The following GRIK4 variants were observed in gnomAD, a reference collection of about 807,000 sequenced individuals.
GRIK4 encodes the protein glutamate ionotropic receptor kainate type subunit 4, also known as glutamate receptor ionotropic, kainate 4.
In GRIK4, 40 loss-of-function variants were observed where a neutral mutation model predicts 104.9. The observed-to-expected ratio is 0.38, with a 90% CI of 0.30 to 0.50. The LOEUF (loss-of-function observed/expected upper bound fraction) is 0.50. GRIK4 is among the 20% of genes least tolerant of loss of function. The pLI is 0.93. For synonymous variants in GRIK4, 485 were observed against 524.9 expected, an observed-to-expected ratio of 0.92 and a Z score of 1.04; for missense variants, 1,047 against 1,308.1, an observed-to-expected ratio of 0.80 and a Z score of 3.08.
chr11:120,745,191 A>C (rs1021358408), intron 3 of GRIK4, among the ~76,000 whole-genome samples: 2 of 152,066 alleles, frequency 1.3e-5, no homozygotes, highest in Non-Finnish European at 2.9e-5. Flanking sequence ...AGAGGAGGTG[A>C]CTCCGGCCAG....
intron 1 of GRIK4, among the ~76,000 whole-genome samples, chr11:120,560,236 G>C (rs1300615656): frequency 1.3e-5 from 2 of 152,064 alleles, no homozygotes; most frequent in African/African-American, 4.8e-5. Context: ...ATTTTTAGTA[G>C]AGATGGTGTT....
At chr11:120,708,862 C>T (rs980570335) in intron 3 of GRIK4, among the ~76,000 whole-genome samples, 10 of 152,274 alleles carry the variant, frequency 6.6e-5, no homozygotes, top group African/African-American at 1.4e-4. Flanking sequence ...TACCCCCTCC[C>T]GTGCTGTTGG....
intron 13 of GRIK4, among the ~76,000 whole-genome samples, chr11:120,920,014 G>A (rs1170853155): frequency 6.6e-6 from 1 of 152,122 alleles, no homozygotes; most frequent in Non-Finnish European, 1.5e-5. Context: ...ACCCCATTTG[G>A]AAGTTGTCAG....
intron 1 of GRIK4, among the ~76,000 whole-genome samples, chr11:120,536,266 G>A (rs1591680728): frequency 6.6e-6 from 1 of 152,346 alleles, no homozygotes; most frequent in Middle Eastern, 3.4e-3. Flanking sequence ...CAAAAGAGGA[G>A]CTCGCGGGGC....
chr11:120,977,569 T>C (rs1944582036), intron 19 of GRIK4, among the ~76,000 whole-genome samples: 1 of 152,214 alleles, frequency 6.6e-6, no homozygotes, highest in South Asian at 2.1e-4. Context: ...TATTCTTGCT[T>C]CCTCTTTCCA....
chr11:120,678,345 G>A (rs1198073469), intron 3 of GRIK4, among the ~76,000 whole-genome samples: 3 of 152,136 alleles, frequency 2.0e-5, no homozygotes, highest in African/African-American at 7.2e-5. Flanking sequence ...GAGAGCTGAG[G>A]CTGTGGTGCT....
intron 11 of GRIK4, among the ~76,000 whole-genome samples, chr11:120,876,754 C>T (rs927428180): frequency 2.0e-5 from 3 of 152,136 alleles, no homozygotes; most frequent in Non-Finnish European, 4.4e-5. Context: ...ACCATTACAA[C>T]AAATTATGCA....
In GRIK4 at chr11:120,967,452, T is replaced by A; in HGVS notation, c.2395+129T>A. On this transcript the variant is annotated intron_variant, in intron 19 of 20. Transcript: ENST00000527524. This position sits in a 1 kb window ranked among gnomAD's most constrained non-coding sequence, Gnocchi z 4.2. The stretch of plus-strand genomic sequence containing the variant: ...AGAACGGCCTTGGAAGGAACCTAGG[T>A]ATAAAGTGGGCTGGCGGGGGATCAG... 1.1e-6 allele frequency: 1 copy of A among 943,914 alleles called. No homozygotes were observed. Among genetic ancestry groups the A allele is most frequent in the Non-Finnish European group, 1.5e-6 (1 of 653,712 alleles). 58.5% of individuals were successfully genotyped at this position (943,914 alleles called of 1,614,324 possible).
At chr11:120,777,520 T>C (rs1026172781) in intron 3 of GRIK4, among the ~76,000 whole-genome samples, 2 of 152,164 alleles carry the variant, frequency 1.3e-5, no homozygotes, top group African/African-American at 4.8e-5. Context: ...GGGTTGGGGC[T>C]GGGGGCACAG....
intron 1 of GRIK4, among the ~76,000 whole-genome samples, chr11:120,522,104 T>C (rs913593012): frequency 6.6e-6 from 1 of 152,174 alleles, no homozygotes; most frequent in Non-Finnish European, 1.5e-5. Flanking sequence ...AGCCAAGTGA[T>C]AGAGCCGGGA....
intron 1 of GRIK4, among the ~76,000 whole-genome samples, chr11:120,539,602 T>G (rs1425328559): frequency 6.6e-6 from 1 of 152,222 alleles, no homozygotes; most frequent in Non-Finnish European, 1.5e-5. Flanking sequence ...CAACAAATCT[T>G]ATTTGATCTG....
intron 1 of GRIK4, among the ~76,000 whole-genome samples, chr11:120,587,324 T>G (rs1948679496): frequency 6.6e-6 from 1 of 152,052 alleles, no homozygotes; most frequent in Non-Finnish European, 1.5e-5. Flanking sequence ...GAGGGAAACT[T>G]GGAGCTACTT....
intron 19 of GRIK4, among the ~76,000 whole-genome samples, 171 bp from the exon 20 acceptor site, chr11:120,981,935 A>G (rs541130067): frequency 6.6e-6 from 1 of 152,296 alleles, no homozygotes; most frequent in African/African-American, 2.4e-5. Context: ...CAGATAAATA[A>G]TTAAATATCT....
In GRIK4 at chr11:120,987,699, C is replaced by CA. The variant is rs1431115429; in HGVS notation, c.*1440dup. 2 of 152,172 alleles carry CA rather than the reference C, an allele frequency of 1.3e-5. No individual in the cohort carries two copies. Among genetic ancestry groups the CA allele is most frequent in the Non-Finnish European group, 2.9e-5 (2 of 68,064 alleles). The allele number at this position is 152,172 out of a possible 1,614,324, so 9.4% of individuals were successfully genotyped here. A position where few individuals can be genotyped will look rare whatever the true frequency, so the allele number is the denominator to read the frequency against. On this transcript the variant is annotated 3_prime_UTR_variant, in exon 21 of 21. Coordinates refer to ENST00000527524, the MANE Select transcript of GRIK4 (RefSeq NM_014619.5). ...GAGTTACTGATGCTGTCCAGGTTAC[C>CA]AGGTGACTGCTAGTGACTGCTCTCC...
At chr11:120,750,220 C>A (rs1297055197) in intron 3 of GRIK4, among the ~76,000 whole-genome samples, 1 of 151,862 alleles carries the variant, frequency 6.6e-6, no homozygotes, top group Non-Finnish European at 1.5e-5. Flanking sequence ...AAGTGTTTCT[C>A]ATTTGGTCCC....
intron 3 of GRIK4, among the ~76,000 whole-genome samples, chr11:120,683,459 A>G (rs1333572378): frequency 2.0e-5 from 3 of 152,102 alleles, no homozygotes; most frequent in Non-Finnish European, 4.4e-5. Flanking sequence ...TGATTGTAAA[A>G]CATCCAAGTA....
At chr11:120,521,692 C>T (rs61900865) in intron 1 of GRIK4, among the ~76,000 whole-genome samples, 11,253 of 152,154 alleles carry the variant, frequency 0.074, 462 homozygotes, top group Middle Eastern at 0.092. Context: ...GAATATCACA[C>T]GGAAGAAAGC....
intron 13 of GRIK4, among the ~76,000 whole-genome samples, chr11:120,937,527 T>C (rs1390723191): frequency 1.3e-5 from 2 of 152,246 alleles, no homozygotes; most frequent in African/African-American, 4.8e-5. Context: ...AGCTTGTCAC[T>C]GCCCTTTCCT....
At chr11:120,814,867 C>T (rs550576713) in intron 4 of GRIK4, among the ~76,000 whole-genome samples, 131 of 152,174 alleles carry the variant, frequency 8.6e-4, no homozygotes, top group Non-Finnish European at 1.6e-3. Flanking sequence ...TTCTTGCCTC[C>T]GCTCCTTTTG....
Sources: allele counts gnomAD v4.1 joint callset (sites outside exome capture counted in the v4.1 genomes callset), GRCh38; gene constraint gnomAD v4.1.1; non-coding constraint Gnocchi (gnomAD v3.1); transcripts MANE v1.5; gene names NCBI Gene and HGNC (gene_info 2026-07-23, HGNC 2026-07-21).